The following ZNF891 variants were observed in gnomAD, a reference collection of about 807,000 sequenced individuals.
The protein encoded by ZNF891 is zinc finger protein 891, also known as hCG1646157.
For missense variants in ZNF891, 589 were observed against 632.7 expected (o/e 0.93, Z 0.74); for synonymous variants, 199 against 209.0 (o/e 0.95, Z 0.41).
intron 1 of ZNF891, among the ~76,000 whole-genome samples, chr12:133,123,992 T>C (rs1955790797): frequency 6.6e-6 from 1 of 152,192 alleles, no homozygotes; most frequent in Admixed American, 6.5e-5. Context: ...ATGTATTTAA[T>C]AGGGATTTCC....
chr12:133,123,881 C>A (rs1238759452), intron 1 of ZNF891, among the ~76,000 whole-genome samples: 1 of 152,062 alleles, frequency 6.6e-6, no homozygotes, highest in Non-Finnish European at 1.5e-5. Context: ...AGTTATAGCA[C>A]TAATTACAAA....
chr12:133,124,714 T>C (rs1955797950), intron 1 of ZNF891, among the ~76,000 whole-genome samples: 1 of 145,798 alleles, frequency 6.9e-6, no homozygotes, highest in Non-Finnish European at 1.5e-5. Context: ...TAGAATTCAA[T>C]CGTATGCTAA....
chr12:133,106,699 G>T lies in ZNF891; in HGVS notation c.*13585C>A, dbSNP rs369593698. The stretch of plus-strand genomic sequence containing the variant: ...ATGAATGTATGGAATTTTTTAAAAA[G>T]AAGTATAATGCCTTACTTCAGAGAA... On this transcript the variant is annotated 3_prime_UTR_variant, in exon 2 of 2. Coordinates refer to ENST00000537226, the MANE Select transcript of ZNF891 (RefSeq NM_001277291.2). 7 of 1,461,368 alleles carry T rather than the reference G, an allele frequency of 4.8e-6. No individual in the cohort carries two copies. The highest frequency in any genetic ancestry group is 6.4e-6 in the Non-Finnish European group (7 of 1,094,182). 90.5% of individuals were successfully genotyped at this position (1,461,368 alleles called of 1,614,324 possible). A position where few individuals can be genotyped will look rare whatever the true frequency, so the allele number is the denominator to read the frequency against.
Position 133,121,334 on chromosome 12 carries a change from C to G in ZNF891, c.585G>C (p.Glu195Asp), listed in dbSNP as rs1428109180. The G allele has an allele frequency of 6.5e-7, 1 of 1,535,908 alleles. No homozygotes were observed. Among genetic ancestry groups the G allele is most frequent in the Non-Finnish European group, 8.7e-7 (1 of 1,146,830 alleles). ...QELFRDYHEL[E>D]ENSKLGSKLI... Reference sequence around the variant, plus strand: ...GTTTTGATCCAAGTTTAGAGTTTTCCTCTAATTCATGATAGTCACGGAATA... The same window carrying G: ...GTTTTGATCCAAGTTTAGAGTTTTCGTCTAATTCATGATAGTCACGGAATA... Residue 195 changes from glutamate to aspartate, a missense_variant, in exon 2 of 2, where the codon GAG becomes GAC. Physicochemically the swap from Glu to Asp is conservative, Grantham distance 45. Transcript: ENST00000537226.
chr12:133,126,049 G>A (rs1184013597), intron 1 of ZNF891: 1 of 170,930 alleles, frequency 5.9e-6, no homozygotes, highest in African/African-American at 2.4e-5. Flanking sequence ...ATTTGTGTAT[G>A]TGTTTGAAAA....
At chr12:133,127,791 G>A (rs1955831664) in intron 1 of ZNF891, among the ~76,000 whole-genome samples, 1 of 152,162 alleles carries the variant, frequency 6.6e-6, no homozygotes, top group Non-Finnish European at 1.5e-5. Flanking sequence ...CATTGCAGGG[G>A]GATGTCCAGG....
chr12:133,122,234 TCTC>T (rs1955770719), intron 1 of ZNF891: 1 of 1,041,746 alleles, frequency 9.6e-7, no homozygotes, highest in Non-Finnish European at 1.2e-6. Context: ...TGTACTGGCT[TCTC>T]CTGCAGACCA....
rs1348642740 is a variant in ZNF891, at chr12:133,120,384, CCA to C, written c.1533_1534del (p.Gly512ArgfsTer5). 1 of 1,595,402 alleles carries C rather than the reference CCA, an allele frequency of 6.3e-7. No homozygotes were observed. Among genetic ancestry groups the C allele is most frequent in the Non-Finnish European group, 8.5e-7 (1 of 1,171,808 alleles). On this transcript the variant is annotated frameshift_variant, in exon 2 of 2. Transcript: ENST00000537226. LOFTEE classifies it low-confidence loss of function (END_TRUNC). Reference sequence around the variant, plus strand: ...TTGAATACATTCATAGGGTTTCTCTCCAGTGTGAATTCTCACATGCCTCCTAA... The same window carrying C: ...TTGAATACATTCATAGGGTTTCTCTCGTGTGAATTCTCACATGCCTCCTAA...
rs1955564257 is a variant in ZNF891, at chr12:133,105,621, C to T, written c.*14663G>A. 5 of 1,614,058 alleles carry T rather than the reference C, an allele frequency of 3.1e-6. No homozygotes were observed. Among genetic ancestry groups the T allele is most frequent in the Non-Finnish European group, 4.2e-6 (5 of 1,180,022 alleles). On this transcript the variant is annotated 3_prime_UTR_variant, in exon 2 of 2. Transcript: ENST00000537226. ...ATTCTAAGTCAAGGCCCTGTGTATTCCAGTTTTAAAGGAGGCTGGAAATGC... is the reference window on the plus strand; with the variant it reads ...ATTCTAAGTCAAGGCCCTGTGTATTTCAGTTTTAAAGGAGGCTGGAAATGC...
At chr12:133,123,721 A>C (rs1477752265) in intron 1 of ZNF891, among the ~76,000 whole-genome samples, 3 of 146,618 alleles carry the variant, frequency 2.0e-5, no homozygotes, top group Non-Finnish European at 4.5e-5. Flanking sequence ...AAAAAAAAAA[A>C]CAAAAACACA....
chr12:133,105,792 G>A lies in ZNF891; in HGVS notation c.*14492C>T. 5.6e-6 allele frequency: 9 copies of A among 1,614,098 alleles called. No individual in the cohort carries two copies. The highest frequency in any genetic ancestry group is 2.2e-5 in the East Asian group (1 of 44,876). On this transcript the variant is annotated 3_prime_UTR_variant, in exon 2 of 2. Coordinates refer to ENST00000537226, the MANE Select transcript of ZNF891 (RefSeq NM_001277291.2). ...CATGAATGTGGAAAAACTTTTGGTC[G>A]ACGCTTTTCCCTGGTGTTACACCAG... is the stretch of plus-strand genomic sequence containing the variant.
In ZNF891 at chr12:133,107,503, CAGT is replaced by C. The variant is rs1402219023; in HGVS notation, c.*12778_*12780del. On this transcript the variant is annotated 3_prime_UTR_variant, in exon 2 of 2. Coordinates refer to ENST00000537226, the MANE Select transcript of ZNF891 (RefSeq NM_001277291.2). Reference sequence around the variant, plus strand: ...CTACAATATTGACATAAAAAATAAACAGTAGTTTTTCTTGTTGAAACATACAAA... The same window carrying C: ...CTACAATATTGACATAAAAAATAAACAGTTTTTCTTGTTGAAACATACAAA... 6.6e-6 allele frequency: 1 copy of C among 151,618 alleles called. No homozygotes were observed. The highest frequency in any genetic ancestry group is 2.4e-5 in the African/African-American group (1 of 41,404). 9.4% of individuals were successfully genotyped at this position (151,618 alleles called of 1,614,324 possible). A position where few individuals can be genotyped will look rare whatever the true frequency, so the allele number is the denominator to read the frequency against.
Position 133,112,892 on chromosome 12 carries a change from T to TA in ZNF891, c.*7391dup, listed in dbSNP as rs1343557543. The TA allele has an allele frequency of 6.6e-6, 1 of 151,934 alleles. No homozygotes were observed. Among genetic ancestry groups the TA allele is most frequent in the Non-Finnish European group, 1.5e-5 (1 of 68,020 alleles). 9.4% of individuals were successfully genotyped at this position (151,934 alleles called of 1,614,324 possible). A position where few individuals can be genotyped will look rare whatever the true frequency, so the allele number is the denominator to read the frequency against. ...GGCTAATACGGTGAAACCCTGTCTC[T>TA]ACTAAAAATACAAAAAATTAGCTGG... On this transcript the variant is annotated 3_prime_UTR_variant, in exon 2 of 2. Transcript: ENST00000537226.
At position 133,119,141 on chromosome 12, in the gene ZNF891, G is replaced by C. The variant is rs1955732649; in HGVS notation, c.*1143C>G. On this transcript the variant is annotated 3_prime_UTR_variant, in exon 2 of 2. Transcript: ENST00000537226. ...GAGGAGACTGTGGTGGATCACCTGA[G>C]CCCAGGAGGTCGAGGTTGCAATGAG... 6.6e-6 allele frequency: 1 copy of C among 151,470 alleles called. No individual in the cohort carries two copies. Among genetic ancestry groups the C allele is most frequent in the Non-Finnish European group, 1.5e-5 (1 of 67,932 alleles). The allele number at this position is 151,470 out of a possible 1,614,324, so 9.4% of individuals were successfully genotyped here.
At position 133,119,104 on chromosome 12, in the gene ZNF891, A is replaced by G. The variant is rs1955732475; in HGVS notation, c.*1180T>C. The G allele has an allele frequency of 6.6e-6, 1 of 151,260 alleles. No individual in the cohort carries two copies. The highest frequency in any genetic ancestry group is 1.5e-5 in the Non-Finnish European group (1 of 67,862). The allele number at this position is 151,260 out of a possible 1,614,324, so 9.4% of individuals were successfully genotyped here. A position where few individuals can be genotyped will look rare whatever the true frequency, so the allele number is the denominator to read the frequency against. On this transcript the variant is annotated 3_prime_UTR_variant, in exon 2 of 2. Coordinates refer to ENST00000537226, the MANE Select transcript of ZNF891 (RefSeq NM_001277291.2). ...CCAGGCATGGTGGCATGCATTTGTGATCCCAACTACTGAGGAGACTGTGGT... is the reference window on the plus strand; with the variant it reads ...CCAGGCATGGTGGCATGCATTTGTGGTCCCAACTACTGAGGAGACTGTGGT...
In ZNF891 at chr12:133,112,599, G is replaced by A. The variant is rs1955690558; in HGVS notation, c.*7685C>T. ...GCCTCCCGAAAACACTGGGATTACAGGCGTGCGCCACTGCGCCTAGCCCTG... is the reference window on the plus strand; with the variant it reads ...GCCTCCCGAAAACACTGGGATTACAAGCGTGCGCCACTGCGCCTAGCCCTG... On this transcript the variant is annotated 3_prime_UTR_variant, in exon 2 of 2. Transcript: ENST00000537226. The A allele has an allele frequency of 6.6e-6, 1 of 152,408 alleles. No homozygotes were observed. The highest frequency in any genetic ancestry group is 1.5e-5 in the Non-Finnish European group (1 of 68,182). 9.4% of individuals were successfully genotyped at this position (152,408 alleles called of 1,614,324 possible).
rs1955695462 is a variant in ZNF891 at position 133,113,103 on chromosome 12, A to G, written c.*7181T>C. The G allele has an allele frequency of 6.8e-6, 1 of 147,812 alleles. No individual in the cohort carries two copies. The highest frequency in any genetic ancestry group is 1.5e-5 in the Non-Finnish European group (1 of 66,954). The allele number at this position is 147,812 out of a possible 1,614,324, so 9.2% of individuals were successfully genotyped here. ...ATTTATATTTATTTATTAAAAATAT[A>G]TTTATAAAATATAAAAAAATATATT... On this transcript the variant is annotated 3_prime_UTR_variant, in exon 2 of 2. Coordinates refer to ENST00000537226, the MANE Select transcript of ZNF891 (RefSeq NM_001277291.2).
rs765762134 is a variant in ZNF891 at position 133,106,044 on chromosome 12, G to A, written c.*14240C>T. The A allele has an allele frequency of 3.5e-5, 57 of 1,614,072 alleles. No individual in the cohort carries two copies. Among genetic ancestry groups the A allele is most frequent in the Non-Finnish European group, 4.2e-5 (49 of 1,180,012 alleles). On this transcript the variant is annotated 3_prime_UTR_variant, in exon 2 of 2. Transcript: ENST00000537226. ...ACTGAGTGTGGAAAGGCCTTTAGCCGTGCCTCCAACCTCACTCGACATCAA... is the reference window on the plus strand; with the variant it reads ...ACTGAGTGTGGAAAGGCCTTTAGCCATGCCTCCAACCTCACTCGACATCAA...
At position 133,108,791 on chromosome 12, in the gene ZNF891, T is replaced by C. The variant is rs759020704; in HGVS notation, c.*11493A>G. The C allele has an allele frequency of 6.6e-6, 1 of 152,206 alleles. No individual in the cohort carries two copies. The highest frequency in any genetic ancestry group is 1.5e-5 in the Non-Finnish European group (1 of 68,034). 9.4% of individuals were successfully genotyped at this position (152,206 alleles called of 1,614,324 possible). Reference sequence around the variant, plus strand: ...TGCAATACTTAAATTTTAATACTCTTGTAGGAGAAAAAGCAACTGTATAAA... The same window carrying C: ...TGCAATACTTAAATTTTAATACTCTCGTAGGAGAAAAAGCAACTGTATAAA... On this transcript the variant is annotated 3_prime_UTR_variant, in exon 2 of 2. Coordinates refer to ENST00000537226, the MANE Select transcript of ZNF891 (RefSeq NM_001277291.2).
Sources: gnomAD v4.1 joint callset for allele counts (sites outside exome capture counted in the v4.1 genomes callset) on GRCh38, gnomAD v4.1.1 for gene constraint, MANE v1.5 for transcripts, NCBI Gene and HGNC (gene_info 2026-07-23, HGNC 2026-07-21) for gene names.